The following HMCN1 variants were observed in gnomAD, a reference collection of about 807,000 sequenced individuals.
The protein encoded by HMCN1 is hemicentin-1.
Under a neutral mutation model 625.9 loss-of-function variants are expected in HMCN1, and 321 were observed. The observed-to-expected ratio is 0.51, with a 90% CI of 0.47 to 0.56. The LOEUF (loss-of-function observed/expected upper bound fraction) is 0.56, where lower values mean the gene tolerates loss of function less well. Ranked by LOEUF, HMCN1 falls within the 20% of genes least tolerant of loss-of-function variation. The probability of loss-of-function intolerance (pLI) is 0.00; values close to 1 mark genes in which losing one functional copy is unlikely to be tolerated. For synonymous variants in HMCN1, 2,425 were observed against 2,417.6 expected (o/e 1.00, Z -0.09); for missense variants, 6,588 against 6,887.3 (o/e 0.96, Z 1.54).
chr1:186,051,586 C>G (rs977311791), intron 42 of HMCN1, among the ~76,000 whole-genome samples: 2 of 151,948 alleles, frequency 1.3e-5, no homozygotes, highest in African/African-American at 2.4e-5. Context: ...TAGTGGCAAT[C>G]TATGTAATTG....
chr1:185,979,752 C>A (rs771742736), intron 16 of HMCN1, among the ~76,000 whole-genome samples: 1 of 152,138 alleles, frequency 6.6e-6, no homozygotes, highest in African/African-American at 2.4e-5. Context: ...GGAGTAGAAA[C>A]TTTGTCATGG....
chr1:186,180,905 C>A (rs1652891414), intron 104 of HMCN1, among the ~76,000 whole-genome samples: 1 of 152,074 alleles, frequency 6.6e-6, no homozygotes, highest in Admixed American at 6.6e-5. Context: ...GCAATAAGCA[C>A]CAAATGCTTT....
chr1:186,136,618 A>T, intron 86 of HMCN1, 50 bp from the exon 87 acceptor site: 3 of 1,581,412 alleles, frequency 1.9e-6, no homozygotes, highest in Non-Finnish European at 2.6e-6. Context: ...TGATAAAAAA[A>T]AATGCTGTAA....
In HMCN1 at chr1:185,878,731, C is replaced by A. The variant is rs75612586; in HGVS notation, c.621+12868C>A. On this transcript the variant is annotated intron_variant, in intron 4 of 106. Transcript: ENST00000271588. ...TCTATCTAATATTATATTACATATCCTTTGTCTTTGCCTAAAACAGTGTTT... is the reference window on the plus strand; with the variant it reads ...TCTATCTAATATTATATTACATATCATTTGTCTTTGCCTAAAACAGTGTTT... Among the ~76,000 whole-genome samples the A allele has an allele frequency of 8.7e-3, 1,320 of 152,202 alleles. 23 individuals carry two copies. Among genetic ancestry groups the A allele is most frequent in the African/African-American group, 0.029 (1,219 of 41,524 alleles).
rs1661737980 is a variant in HMCN1 at position 186,128,118 on chromosome 1, C to T, written c.12731C>T (p.Ala4244Val). The T allele has an allele frequency of 6.2e-7, 1 of 1,613,422 alleles. No individual in the cohort carries two copies. The highest frequency in any genetic ancestry group is 1.1e-5 in the South Asian group (1 of 91,070). The part of the protein sequence containing the change: ...SGFYTCVANN[A>V]AGEDTHTVSL... ...TTCTATACCTGTGTTGCTAACAATG[C>T]TGCAGGTGAAGATACACACACTGTC... Residue 4244 changes from alanine (A) to valine (V), a missense_variant, in exon 83 of 107, where the codon GCT becomes GTT. Coordinates refer to ENST00000271588, the MANE Select transcript of HMCN1 (RefSeq NM_031935.3).
intron 1 of HMCN1, among the ~76,000 whole-genome samples, chr1:185,741,018 A>C (rs1450347038): frequency 2.0e-5 from 3 of 152,130 alleles, no homozygotes; most frequent in African/African-American, 7.2e-5. Flanking sequence ...AAACAAAAAC[A>C]AAAACAAGTT....
chr1:186,068,365 A>G (rs1658258868), intron 50 of HMCN1, among the ~76,000 whole-genome samples: 1 of 152,206 alleles, frequency 6.6e-6, no homozygotes, highest in Non-Finnish European at 1.5e-5. Context: ...GTTTAATTCA[A>G]GGTGAGAGAG....
At chr1:186,027,000 C>G (rs1655101370) in intron 36 of HMCN1, among the ~76,000 whole-genome samples, 1 of 152,182 alleles carries the variant, frequency 6.6e-6, no homozygotes. Context: ...GCATTTACTA[C>G]AGTTGTCATC....
intron 103 of HMCN1, among the ~76,000 whole-genome samples, chr1:186,176,110 G>GC (rs772906745): frequency 6.6e-6 from 1 of 152,006 alleles, no homozygotes; most frequent in Non-Finnish European, 1.5e-5. Flanking sequence ...AGGAAGAATT[G>GC]CAAGTACAGA....
At chr1:186,124,942 A>G (rs972080440) in intron 81 of HMCN1, among the ~76,000 whole-genome samples, 1 of 152,082 alleles carries the variant, frequency 6.6e-6, no homozygotes, top group African/African-American at 2.4e-5. Context: ...ACACTAAAAT[A>G]TTCAGTTCAT....
intron 37 of HMCN1, among the ~76,000 whole-genome samples, chr1:186,038,385 A>G (rs2102225946): frequency 6.6e-6 from 1 of 152,268 alleles, no homozygotes; most frequent in East Asian, 1.9e-4. Flanking sequence ...TTGTCGTTCT[A>G]ATGAGACTAC....
chr1:186,065,545 G>A, intron 49 of HMCN1, 116 bp downstream of exon 49: 1 of 677,538 alleles, frequency 1.5e-6, no homozygotes, highest in Non-Finnish European at 2.4e-6. Context: ...ATGTAAGGAG[G>A]ACCAGTGCTT....
chr1:185,944,751 A>G (rs1668251983), intron 11 of HMCN1, among the ~76,000 whole-genome samples: 2 of 152,224 alleles, frequency 1.3e-5, no homozygotes, highest in South Asian at 4.1e-4. Context: ...AGTATACTCC[A>G]TTAAGTCAGA....
Position 186,038,948 on chromosome 1 carries a change from T to C in HMCN1, c.5971T>C (p.Cys1991Arg). 2 of 1,612,968 alleles carry C rather than the reference T, an allele frequency of 1.2e-6. No homozygotes were observed. The highest frequency in any genetic ancestry group is 1.7e-6 in the Non-Finnish European group (2 of 1,179,048). The change falls in exon 38 of 107, where the codon TGC (cysteine) becomes CGC (arginine). Residue 1991 changes from cysteine (C) to arginine (R), a missense_variant. Physicochemically the swap from Cys to Arg is radical, Grantham distance 180. Transcript: ENST00000271588. ...AQISDAGIYK[C>R]VAINSAGATE... is the part of the protein sequence containing the mutation. ...GATCTCAGATGCTGGCATATATAAA[T>C]GCGTGGCCATCAACTCAGCTGGAGC... is the stretch of plus-strand genomic sequence containing the variant.
At position 185,980,861 on chromosome 1, in the gene HMCN1, CCTT is replaced by C; in HGVS notation, c.2567-112_2567-110del. On this transcript the variant is annotated intron_variant, in intron 16 of 106. Transcript: ENST00000271588. Reference sequence around the variant, plus strand: ...GTGATGGCTGGTTTCTGTGTATGTCCCTTCTTCAACCAGAAGGCAGTGCACACT... The same window carrying C: ...GTGATGGCTGGTTTCTGTGTATGTCCCTTCAACCAGAAGGCAGTGCACACT... 3.9e-6 allele frequency: 3 copies of C among 769,564 alleles called. No homozygotes were observed. In the South Asian group the frequency reaches 4.1e-5, roughly 10 times the overall value. The allele number at this position is 769,564 out of a possible 1,614,324, so 47.7% of individuals were successfully genotyped here.
At chr1:186,049,417 A>G (rs560849399) in intron 42 of HMCN1, among the ~76,000 whole-genome samples, 1 of 152,142 alleles carries the variant, frequency 6.6e-6, no homozygotes, top group Non-Finnish European at 1.5e-5. Context: ...CATACTTTAA[A>G]AAACTCATTT....
At chr1:185,801,033 C>T (rs1293245610) in intron 1 of HMCN1, among the ~76,000 whole-genome samples, 1 of 152,008 alleles carries the variant, frequency 6.6e-6, no homozygotes, top group African/African-American at 2.4e-5. Flanking sequence ...AAAAACAAAA[C>T]AAAACTTTGA....
chr1:185,943,306 G>A (rs1418871462), intron 11 of HMCN1, among the ~76,000 whole-genome samples: 1 of 152,184 alleles, frequency 6.6e-6, no homozygotes, highest in Non-Finnish European at 1.5e-5. Flanking sequence ...TGAAATGGAG[G>A]CACTTCACTC....
At chr1:186,027,995 T>C (rs1655171244) in intron 36 of HMCN1, among the ~76,000 whole-genome samples, 1 of 152,134 alleles carries the variant, frequency 6.6e-6, no homozygotes, top group African/African-American at 2.4e-5. Flanking sequence ...CATGGGTAAC[T>C]TCGGTTCAAG....
Sources: gnomAD v4.1 joint callset for allele counts (sites outside exome capture counted in the v4.1 genomes callset) on GRCh38, gnomAD v4.1.1 for gene constraint, MANE v1.5 for transcripts, NCBI Gene and HGNC (gene_info 2026-07-23, HGNC 2026-07-21) for gene names.